The following RNF170 variants were observed in gnomAD, a reference collection of about 807,000 sequenced individuals.
RNF170 encodes the protein E3 ubiquitin-protein ligase RNF170.
RNF170 carries 12 observed loss-of-function variants against 32.7 expected under a neutral mutation model. The observed-to-expected ratio is 0.37, with a 90% confidence interval of 0.24 to 0.60. The LOEUF (loss-of-function observed/expected upper bound fraction) is 0.60. Among genes scored for constraint, RNF170 ranks in the 20% least tolerant of loss-of-function variants. The pLI is 0.72. For synonymous variants in RNF170, 91 were observed against 103.6 expected, an observed-to-expected ratio of 0.88 and a Z score of 0.74; for missense variants, 212 against 311.2, an observed-to-expected ratio of 0.68 and a Z score of 2.40.
At chr8:42,880,156 C>T (rs1445176395) in intron 2 of RNF170, among the ~76,000 whole-genome samples, 1 of 152,186 alleles carries the variant, frequency 6.6e-6, no homozygotes, top group Non-Finnish European at 1.5e-5. Context: ...GAAGATGTGA[C>T]CAAACTGCTG....
rs1166356864 is a variant in RNF170 at position 42,854,169 on chromosome 8, T to C, written c.*1990A>G. The C allele has an allele frequency of 7.8e-7, 1 of 1,287,160 alleles. No homozygotes were observed. Among genetic ancestry groups the C allele is most frequent in the Non-Finnish European group, 1.0e-6 (1 of 988,690 alleles). The allele number at this position is 1,287,160 out of a possible 1,614,324, so 79.7% of individuals were successfully genotyped here. On this transcript the variant is annotated 3_prime_UTR_variant, in exon 7 of 7. Transcript: ENST00000527424. ...TTTGGAAGTGTAGAATTCGGATTCA[T>C]GTCATCTCCACAGACCTTTCCTCTT... is the stretch of plus-strand genomic sequence containing the variant.
chr8:42,855,155 C>A lies in RNF170; in HGVS notation c.*1004G>T, dbSNP rs188323657. On this transcript the variant is annotated 3_prime_UTR_variant, in exon 7 of 7. Coordinates refer to ENST00000527424, the MANE Select transcript of RNF170 (RefSeq NM_030954.4). The stretch of plus-strand genomic sequence containing the variant: ...TTACAAATTACTTTTATATCTACTA[C>A]GAAAGGATGAGCTCTTGTTTAAATG... The A allele has an allele frequency of 2.3e-6, 3 of 1,286,842 alleles. No homozygotes were observed. In the Admixed American group the frequency reaches 6.9e-5, roughly 30 times the overall value. 79.7% of individuals were successfully genotyped at this position (1,286,842 alleles called of 1,614,324 possible). A position where few individuals can be genotyped will look rare whatever the true frequency, so the allele number is the denominator to read the frequency against.
Position 42,853,961 on chromosome 8 carries a change from C to G in RNF170, c.*2198G>C. The G allele has an allele frequency of 2.3e-6, 3 of 1,287,110 alleles. No homozygotes were observed. Among genetic ancestry groups the G allele is most frequent in the South Asian group, 2.5e-5 (2 of 80,932 alleles). The allele number at this position is 1,287,110 out of a possible 1,614,324, so 79.7% of individuals were successfully genotyped here. A position where few individuals can be genotyped will look rare whatever the true frequency, so the allele number is the denominator to read the frequency against. On this transcript the variant is annotated 3_prime_UTR_variant, in exon 7 of 7. Coordinates refer to ENST00000527424, the MANE Select transcript of RNF170 (RefSeq NM_030954.4). The stretch of plus-strand genomic sequence containing the variant: ...ACACTTGGAGCAGAATGCATGCACA[C>G]AAAATAAAATCCTGTCAAAAAATGA...
chr8:42,870,014 ATG>A lies in RNF170; in HGVS notation c.310_311del (p.His104SerfsTer26). 6.2e-7 allele frequency: 1 copy of A among 1,612,776 alleles called. No individual in the cohort carries two copies. Among genetic ancestry groups the A allele is most frequent in the Non-Finnish European group, 8.5e-7 (1 of 1,178,778 alleles). ...GCGTTGTTTGCTTACCACAAAAAAG[ATG>A]TCCACAGTTGGTCTCCACCGGGAAG... ...ASFPVETNCG[H>X]LFCGACIIAY... On this transcript the variant is annotated frameshift_variant, in exon 4 of 7. Coordinates refer to ENST00000527424, the MANE Select transcript of RNF170 (RefSeq NM_030954.4). LOFTEE classifies it high-confidence loss of function.
intron 6 of RNF170, among the ~76,000 whole-genome samples, chr8:42,859,210 G>A (rs1038386727): frequency 6.6e-6 from 1 of 152,068 alleles, no homozygotes. Context: ...GAGCATCATG[G>A]TCTCATTTAT....
At chr8:42,877,595 G>A (rs1261447128) in intron 2 of RNF170, among the ~76,000 whole-genome samples, 1 of 152,126 alleles carries the variant, frequency 6.6e-6, no homozygotes, top group Non-Finnish European at 1.5e-5. Flanking sequence ...ATAAGTGCCA[G>A]AAAACTGAAT....
chr8:42,851,649 G>A (rs1256913530), downstream of RNF170, among the ~76,000 whole-genome samples: 1 of 152,062 alleles, frequency 6.6e-6, no homozygotes, highest in East Asian at 1.9e-4. Flanking sequence ...CCTCTGGCTT[G>A]AGCATTTTGA....
chr8:42,866,313 G>A (rs1290807280), intron 4 of RNF170, among the ~76,000 whole-genome samples: 3 of 152,034 alleles, frequency 2.0e-5, no homozygotes, highest in Non-Finnish European at 4.4e-5. Context: ...TGGCTGAGGC[G>A]GGTGGATCAC....
At chr8:42,864,169 T>C (rs1319376098) in intron 5 of RNF170, among the ~76,000 whole-genome samples, 1 of 151,452 alleles carries the variant, frequency 6.6e-6, no homozygotes, top group East Asian at 2.0e-4. Flanking sequence ...TCATAGCTCA[T>C]TGCAGCCTCA....
In RNF170 at chr8:42,853,303, T is replaced by G; in HGVS notation, c.*2856A>C. ...ACAGAAAAATAACACCTTTAAAATG[T>G]TTTAGATATGTTGCTTTTATTCAAA... On this transcript the variant is annotated 3_prime_UTR_variant, in exon 7 of 7. Coordinates refer to ENST00000527424, the MANE Select transcript of RNF170 (RefSeq NM_030954.4). 8.5e-7 allele frequency: 1 copy of G among 1,181,816 alleles called. No individual in the cohort carries two copies. Among genetic ancestry groups the G allele is most frequent in the Non-Finnish European group, 1.1e-6 (1 of 931,366 alleles). The allele number at this position is 1,181,816 out of a possible 1,614,324, so 73.2% of individuals were successfully genotyped here.
At chr8:42,864,059 AGT>A (rs1803905297) in intron 5 of RNF170, among the ~76,000 whole-genome samples, 1 of 115,030 alleles carries the variant, frequency 8.7e-6, no homozygotes, top group African/African-American at 3.3e-5. Flanking sequence ...TTTTTTTTTT[AGT>A]GTGTGTGAAC....
Position 42,896,464 on chromosome 8 carries a change from C to T in RNF170, c.-8+20G>A, listed in dbSNP as rs1303806163. On this transcript the variant is annotated intron_variant, in intron 1 of 6. Coordinates refer to ENST00000527424, the MANE Select transcript of RNF170 (RefSeq NM_030954.4). ...GCGGGCCCCGATAGGGTGGGCGTGGCCGCCGCGCGCCGGACGTACCTCTCC... is the reference window on the plus strand; with the variant it reads ...GCGGGCCCCGATAGGGTGGGCGTGGTCGCCGCGCGCCGGACGTACCTCTCC... 2 of 453,708 alleles carry T rather than the reference C, an allele frequency of 4.4e-6. No homozygotes were observed. The highest frequency in any genetic ancestry group is 8.8e-6 in the Non-Finnish European group (2 of 226,642). 28.1% of individuals were successfully genotyped at this position (453,708 alleles called of 1,614,324 possible). A position where few individuals can be genotyped will look rare whatever the true frequency, so the allele number is the denominator to read the frequency against.
Position 42,855,891 on chromosome 8 carries a change from TATA to T in RNF170, c.*265_*267del. 8.2e-7 allele frequency: 1 copy of T among 1,222,590 alleles called. No homozygotes were observed. The highest frequency in any genetic ancestry group is 1.1e-6 in the Non-Finnish European group (1 of 934,820). 75.7% of individuals were successfully genotyped at this position (1,222,590 alleles called of 1,614,324 possible). On this transcript the variant is annotated 3_prime_UTR_variant, in exon 7 of 7. Transcript: ENST00000527424. ...AAATATATAAAAGCATCCCTTTTTA[TATA>T]ATTCCATATTTTTTCCAGACAACAT...
At chr8:42,851,043 C>G (rs1411206648), downstream of RNF170, 1 of 1,545,792 alleles carries the variant, frequency 6.5e-7, no homozygotes, top group African/African-American at 1.4e-5. Flanking sequence ...TTTGTTAGAT[C>G]ATGTCTTCCC....
At chr8:42,891,426 A>C (rs901166154) in intron 1 of RNF170, among the ~76,000 whole-genome samples, 3 of 152,190 alleles carry the variant, frequency 2.0e-5, no homozygotes, top group Non-Finnish European at 4.4e-5. Flanking sequence ...TTACAGATTA[A>C]CTGCCTCCTT....
At chr8:42,868,651 G>A (rs62515908) in intron 4 of RNF170, among the ~76,000 whole-genome samples, 7,144 of 151,976 alleles carry the variant, frequency 0.047, 222 homozygotes, top group South Asian at 0.077. Context: ...TCAGGAGTTC[G>A]AGACCAGTCT....
chr8:42,851,005 C>T (rs1563649221), downstream of RNF170: 15 of 1,550,874 alleles, frequency 9.7e-6, no homozygotes, highest in South Asian at 3.6e-5. Flanking sequence ...ACCCTACACA[C>T]GGTAGTCAGA....
At chr8:42,860,145 G>A (rs1004529998) in intron 6 of RNF170, among the ~76,000 whole-genome samples, 1 of 152,194 alleles carries the variant, frequency 6.6e-6, no homozygotes, top group East Asian at 1.9e-4. Flanking sequence ...GAGCACCCAC[G>A]CTGAAATGGA....
At chr8:42,894,943 T>G (rs1223671661) in intron 1 of RNF170, among the ~76,000 whole-genome samples, 1 of 151,950 alleles carries the variant, frequency 6.6e-6, no homozygotes, top group Non-Finnish European at 1.5e-5. Context: ...CAGGTAAGTT[T>G]TTTTTTTTTT....
Sources: allele counts gnomAD v4.1 joint callset (sites outside exome capture counted in the v4.1 genomes callset), GRCh38; gene constraint gnomAD v4.1.1; transcripts MANE v1.5; gene names NCBI Gene and HGNC (gene_info 2026-07-23, HGNC 2026-07-21).